The following GC variants were observed in gnomAD, a reference collection of about 807,000 sequenced individuals.
GC encodes the protein GC vitamin D binding protein.
GC carries 43 observed loss-of-function variants against 56.7 expected under a neutral mutation model. The observed-to-expected ratio is 0.76, with a 90% CI of 0.59 to 0.98. The LOEUF (loss-of-function observed/expected upper bound fraction) is 0.98, where lower values mean the gene tolerates loss of function less well. GC is among the 50% of genes least tolerant of loss of function. The pLI is 0.00. For missense variants in GC, 529 were observed against 545.9 expected, an observed-to-expected ratio of 0.97 and a Z score of 0.31; for synonymous variants, 216 against 202.7, an observed-to-expected ratio of 1.07 and a Z score of -0.56.
intron 12 of GC, among the ~76,000 whole-genome samples, chr4:71,744,435 GGAGACAGAGC>G (rs75936887): frequency 0.22 from 30,586 of 138,198 alleles, 3,917 homozygotes; most frequent in Non-Finnish European, 0.29. Flanking sequence ...CTCCAGCCTG[GGAGACAGAGC>G]GAGACTCCAT....
At chr4:71,778,098 G>A (rs1742567239) in intron 1 of GC, among the ~76,000 whole-genome samples, 2 of 151,814 alleles carry the variant, frequency 1.3e-5, no homozygotes, top group Admixed American at 6.6e-5. Context: ...AGATATGAAT[G>A]TGAAAGACAT....
At chr4:71,798,131 A>T (rs965954352) in intron 1 of GC, among the ~76,000 whole-genome samples, 37 of 152,016 alleles carry the variant, frequency 2.4e-4, no homozygotes, top group African/African-American at 8.2e-4. Flanking sequence ...TTATTTTAGC[A>T]TTTTTCATTT....
At chr4:71,789,365 G>C (rs951198091) in intron 1 of GC, among the ~76,000 whole-genome samples, 13 of 151,768 alleles carry the variant, frequency 8.6e-5, no homozygotes, top group Non-Finnish European at 1.9e-4. Context: ...GCTAATCTTT[G>C]TTAAGAGCTT....
At chr4:71,749,853 A>C (rs940041828) in intron 11 of GC, among the ~76,000 whole-genome samples, 13 of 152,184 alleles carry the variant, frequency 8.5e-5, no homozygotes, top group Non-Finnish European at 1.6e-4. Context: ...TACTCTCTTC[A>C]TCTGGAATTC....
At chr4:71,792,344 TA>T (rs1327036059) in intron 1 of GC, among the ~76,000 whole-genome samples, 1 of 152,218 alleles carries the variant, frequency 6.6e-6, no homozygotes, top group African/African-American at 2.4e-5. Context: ...CCTGACTTTT[TA>T]ATGATCACCA....
chr4:71,779,854 T>C (rs1742618814), intron 1 of GC, among the ~76,000 whole-genome samples: 1 of 151,842 alleles, frequency 6.6e-6, no homozygotes, highest in African/African-American at 2.4e-5. Context: ...TGCGTAGGGC[T>C]GTTTTGACAG....
upstream of GC, among the ~76,000 whole-genome samples, chr4:71,805,198 C>T (rs1330910486): frequency 6.6e-6 from 1 of 152,154 alleles, no homozygotes; most frequent in Non-Finnish European, 1.5e-5. Context: ...GCTTCACTAG[C>T]TTTAAGCAGC....
intron 12 of GC, among the ~76,000 whole-genome samples, chr4:71,745,463 C>T (rs539133448): frequency 6.6e-5 from 10 of 152,212 alleles, no homozygotes; most frequent in African/African-American, 2.2e-4. Flanking sequence ...GCAAAATAAA[C>T]GTTGACATTA....
intron 1 of GC, among the ~76,000 whole-genome samples, chr4:71,771,445 C>G (rs907455566): frequency 6.6e-6 from 1 of 151,564 alleles, no homozygotes; most frequent in Non-Finnish European, 1.5e-5. Flanking sequence ...TGGATGGATA[C>G]CCCCCCAAAA....
intron 11 of GC, among the ~76,000 whole-genome samples, chr4:71,746,784 A>C (rs867747527): frequency 1.3e-5 from 2 of 150,884 alleles, no homozygotes; most frequent in Non-Finnish European, 2.9e-5. Context: ...AAAAAAAAAA[A>C]AAAAAAAAAA....
At chr4:71,795,656 A>G (rs982732151) in intron 1 of GC, among the ~76,000 whole-genome samples, 13 of 152,168 alleles carry the variant, frequency 8.5e-5, no homozygotes, top group African/African-American at 2.4e-4. Flanking sequence ...GCCCATTTAC[A>G]TTTAAGGTTA....
Position 71,763,784 on chromosome 4 carries a change from A to G in GC, c.606+20T>C, listed in dbSNP as rs371702739. The G allele has an allele frequency of 1.3e-5, 21 of 1,588,176 alleles. No homozygotes were observed. Among genetic ancestry groups the G allele is most frequent in the Non-Finnish European group, 1.7e-5 (20 of 1,167,408 alleles). ...TAGAAGAAAAAAACGTAAACATATA[A>G]TAAGTAAAATGGGACATACCTCTTT... is the stretch of plus-strand genomic sequence containing the variant. On this transcript the variant is annotated intron_variant, in intron 5 of 12. Coordinates refer to ENST00000273951, the MANE Select transcript of GC (RefSeq NM_000583.4).
chr4:71,761,251 T>C (rs2149298959), intron 6 of GC, among the ~76,000 whole-genome samples: 1 of 152,308 alleles, frequency 6.6e-6, no homozygotes, highest in East Asian at 1.9e-4. Context: ...TCTTGTTATG[T>C]ATTAGCAAAG....
intron 1 of GC, among the ~76,000 whole-genome samples, chr4:71,782,326 C>A (rs895630983): frequency 6.6e-6 from 1 of 151,856 alleles, no homozygotes; most frequent in Non-Finnish European, 1.5e-5. Flanking sequence ...CAGCTAGCTT[C>A]TAAGTAAACT....
At chr4:71,748,543 C>T (rs1741448880) in intron 11 of GC, among the ~76,000 whole-genome samples, 1 of 152,012 alleles carries the variant, frequency 6.6e-6, no homozygotes, top group Admixed American at 6.6e-5. Flanking sequence ...AATGAGTTCT[C>T]AGAAGAGCCC....
At chr4:71,795,148 G>T (rs1374223122) in intron 1 of GC, among the ~76,000 whole-genome samples, 1 of 152,148 alleles carries the variant, frequency 6.6e-6, no homozygotes, top group Admixed American at 6.5e-5. Flanking sequence ...ATTTGGGGTG[G>T]AGAGTTCTGT....
chr4:71,764,191 AG>A (rs1238488110), intron 4 of GC, among the ~76,000 whole-genome samples: 1 of 152,078 alleles, frequency 6.6e-6, no homozygotes, highest in Admixed American at 6.6e-5. Flanking sequence ...TAATTGTCCC[AG>A]GTTGGTCTTG....
chr4:71,785,018 A>C (rs567552131), upstream of GC, among the ~76,000 whole-genome samples: 50 of 151,662 alleles, frequency 3.3e-4, no homozygotes, highest in Non-Finnish European at 4.9e-4. Context: ...TTTTCAGGAA[A>C]TGGTCAGGTA....
At chr4:71,778,497 G>C (rs1742576753) in intron 1 of GC, among the ~76,000 whole-genome samples, 1 of 151,860 alleles carries the variant, frequency 6.6e-6, no homozygotes, top group Non-Finnish European at 1.5e-5. Context: ...AGTCCAAAAG[G>C]AGGAGTGACA....
Sources: allele counts gnomAD v4.1 joint callset (sites outside exome capture counted in the v4.1 genomes callset), GRCh38; gene constraint gnomAD v4.1.1; transcripts MANE v1.5; gene names NCBI Gene and HGNC (gene_info 2026-07-23, HGNC 2026-07-21).